HS6ST3: variants seen among roughly 807,000 people sequenced by gnomAD.
HS6ST3 encodes heparan sulfate 6-O-sulfotransferase 3, also known as heparan-sulfate 6-O-sulfotransferase 3.
HS6ST3 carries 12 observed loss-of-function variants against 36.7 expected under a neutral mutation model. The ratio of observed to expected loss-of-function variants is 0.33; its 90% confidence interval spans 0.21 to 0.53. HS6ST3 has a LOEUF of 0.53. Among genes scored for constraint, HS6ST3 ranks in the 20% least tolerant of loss-of-function variants. HS6ST3 has a pLI of 0.95. For synonymous variants in HS6ST3, 240 were observed against 257.5 expected (o/e 0.93, Z 0.65); for missense variants, 584 against 640.9 (o/e 0.91, Z 0.96).
intron 1 of HS6ST3, among the ~76,000 whole-genome samples, chr13:96,594,686 T>C (rs1411865077): frequency 1.3e-5 from 2 of 152,220 alleles, no homozygotes; most frequent in African/African-American, 4.8e-5. Flanking sequence ...TATCCTTTAG[T>C]AAATTATTAG....
intron 1 of HS6ST3, among the ~76,000 whole-genome samples, chr13:96,102,002 GTTATTAGTTC>G (rs1408193197): frequency 1.3e-5 from 2 of 152,152 alleles, no homozygotes; most frequent in Non-Finnish European, 2.9e-5. Flanking sequence ...GGCTATGAAA[GTTATTAGTTC>G]TAAGGAATGT....
chr13:96,113,173 A>T (rs1378429696), intron 1 of HS6ST3, among the ~76,000 whole-genome samples: 1 of 152,164 alleles, frequency 6.6e-6, no homozygotes, highest in Non-Finnish European at 1.5e-5. Flanking sequence ...AGTCACACAA[A>T]CACGGATTCA....
chr13:96,594,317 G>A (rs2138977734), intron 1 of HS6ST3, among the ~76,000 whole-genome samples: 1 of 151,924 alleles, frequency 6.6e-6, no homozygotes, highest in South Asian at 2.1e-4. Flanking sequence ...ATTCAAGTGA[G>A]CATTCATATG....
chr13:96,538,187 G>C (rs776417332), intron 1 of HS6ST3, among the ~76,000 whole-genome samples: 4 of 152,158 alleles, frequency 2.6e-5, no homozygotes, highest in Non-Finnish European at 5.9e-5. Flanking sequence ...CCTTCACTAC[G>C]TGCTCCAAAT....
intron 1 of HS6ST3, among the ~76,000 whole-genome samples, chr13:96,346,572 C>CA (rs144388304): frequency 0.13 from 16,718 of 132,470 alleles, 1,099 homozygotes; most frequent in Middle Eastern, 0.21. Flanking sequence ...GACTCCGTCT[C>CA]AAAAAAAAAA....
chr13:96,210,895 G>C (rs1355468967), intron 1 of HS6ST3, among the ~76,000 whole-genome samples: 1 of 151,338 alleles, frequency 6.6e-6, no homozygotes, highest in African/African-American at 2.4e-5. Flanking sequence ...CACCCAGCCA[G>C]TGTTGTTATC....
At chr13:96,461,034 T>C (rs1315667571) in intron 1 of HS6ST3, among the ~76,000 whole-genome samples, 1 of 152,252 alleles carries the variant, frequency 6.6e-6, no homozygotes, top group Non-Finnish European at 1.5e-5. Flanking sequence ...ATACACCCAA[T>C]TAAATGACAG....
At chr13:96,697,031 A>G (rs1875147809) in intron 1 of HS6ST3, among the ~76,000 whole-genome samples, 1 of 152,170 alleles carries the variant, frequency 6.6e-6, no homozygotes, top group African/African-American at 2.4e-5. Context: ...AAAATTCGGG[A>G]AACAGATCAC....
At chr13:96,255,341 G>A (rs2054631780) in intron 1 of HS6ST3, among the ~76,000 whole-genome samples, 1 of 152,162 alleles carries the variant, frequency 6.6e-6, no homozygotes, top group African/African-American at 2.4e-5. Flanking sequence ...TTAATAGCAA[G>A]AAGTCAAGAA....
intron 1 of HS6ST3, among the ~76,000 whole-genome samples, chr13:96,485,425 A>T (rs1049378428): frequency 3.9e-5 from 6 of 152,164 alleles, no homozygotes; most frequent in African/African-American, 1.4e-4. Context: ...ACTATTGTAT[A>T]TTAATCTTGT....
intron 1 of HS6ST3, among the ~76,000 whole-genome samples, chr13:96,205,066 TA>T (rs2054363031): frequency 6.7e-6 from 1 of 150,364 alleles, no homozygotes; most frequent in Admixed American, 6.7e-5. Flanking sequence ...TTGAAAAAAT[TA>T]AAAAATACAT....
At chr13:96,816,741 T>C (rs1312817309) in intron 1 of HS6ST3, among the ~76,000 whole-genome samples, 1 of 152,134 alleles carries the variant, frequency 6.6e-6, no homozygotes, top group Non-Finnish European at 1.5e-5. Flanking sequence ...TCTCATTAGA[T>C]TAGAGAAAAG....
chr13:96,765,768 A>C (rs1877096982), intron 1 of HS6ST3, among the ~76,000 whole-genome samples: 1 of 152,094 alleles, frequency 6.6e-6, no homozygotes, highest in African/African-American at 2.4e-5. Context: ...ACTGAGTTTT[A>C]AAGAGCATTT....
chr13:96,109,121 A>G (rs1363796334), intron 1 of HS6ST3, among the ~76,000 whole-genome samples: 3 of 152,208 alleles, frequency 2.0e-5, no homozygotes, highest in South Asian at 4.1e-4. Context: ...AGAAGCATGA[A>G]CAGTATTTGT....
intron 1 of HS6ST3, among the ~76,000 whole-genome samples, chr13:96,319,092 G>A (rs1050837136): frequency 3.3e-5 from 5 of 152,126 alleles, no homozygotes; most frequent in Non-Finnish European, 5.9e-5. Context: ...GAAACCCTGT[G>A]CCTGTTAGCA....
chr13:96,677,709 C>T (rs1018355589), intron 1 of HS6ST3, among the ~76,000 whole-genome samples: 1 of 152,062 alleles, frequency 6.6e-6, no homozygotes, highest in South Asian at 2.1e-4. Context: ...TCGCTCTGCA[C>T]TCAATTCTTA....
chr13:96,510,078 C>T (rs2056042988), intron 1 of HS6ST3, among the ~76,000 whole-genome samples: 1 of 148,214 alleles, frequency 6.7e-6, no homozygotes, highest in African/African-American at 2.5e-5. Flanking sequence ...TAAGTATATT[C>T]CTAGGTATTT....
chr13:96,575,143 C>A (rs1191858839), intron 1 of HS6ST3, among the ~76,000 whole-genome samples: 2 of 152,140 alleles, frequency 1.3e-5, no homozygotes, highest in African/African-American at 4.8e-5. Context: ...GCTTGGCAAG[C>A]CATGGATATT....
intron 1 of HS6ST3, among the ~76,000 whole-genome samples, chr13:96,204,977 T>C (rs2054362276): frequency 6.6e-6 from 1 of 151,928 alleles, no homozygotes; most frequent in Non-Finnish European, 1.5e-5. Flanking sequence ...AGACAAGATA[T>C]AACCAAAATC....
Sources: gnomAD v4.1 joint callset for allele counts (sites outside exome capture counted in the v4.1 genomes callset) on GRCh38, gnomAD v4.1.1 for gene constraint, MANE v1.5 for transcripts, NCBI Gene and HGNC (gene_info 2026-07-23, HGNC 2026-07-21) for gene names.